PCSK5: variants seen among roughly 807,000 people sequenced by gnomAD.
PCSK5 encodes proprotein convertase subtilisin/kexin type 5.
In PCSK5, 129 loss-of-function variants were observed where a neutral mutation model predicts 233.2. That is an observed-to-expected ratio of 0.55 (90% CI 0.48 to 0.64). PCSK5 has a LOEUF of 0.64. PCSK5 is among the 30% of genes least tolerant of loss of function. The pLI, the probability that PCSK5 is intolerant of heterozygous loss-of-function variation, is 0.00. For synonymous variants in PCSK5, 825 were observed against 879.2 expected, an observed-to-expected ratio of 0.94 and a Z score of 1.09; for missense variants, 2,076 against 2,430.1, an observed-to-expected ratio of 0.85 and a Z score of 3.06.
At chr9:75,908,675 C>G (rs1305059499) in intron 1 of PCSK5, among the ~76,000 whole-genome samples, 1 of 152,198 alleles carries the variant, frequency 6.6e-6, no homozygotes, top group Non-Finnish European at 1.5e-5. Context: ...ATGCCCAGAT[C>G]TCACTATGTT....
chr9:76,219,941 T>C (rs1825669615), intron 20 of PCSK5, among the ~76,000 whole-genome samples: 1 of 152,198 alleles, frequency 6.6e-6, no homozygotes, highest in Admixed American at 6.5e-5. Flanking sequence ...GACACTGTAC[T>C]GTTCTCACCA....
chr9:76,072,209 T>C (rs182548857), intron 7 of PCSK5, among the ~76,000 whole-genome samples: 1 of 152,350 alleles, frequency 6.6e-6, no homozygotes, highest in Admixed American at 6.5e-5. Context: ...GACTGTGAAA[T>C]TGAGTGAAGA....
intron 2 of PCSK5, among the ~76,000 whole-genome samples, chr9:75,939,801 T>C (rs1308921053): frequency 6.6e-6 from 1 of 152,216 alleles, no homozygotes; most frequent in Non-Finnish European, 1.5e-5. Flanking sequence ...CAATCTTTTA[T>C]CTTTTCCATT....
chr9:76,221,487 C>G lies in PCSK5; in HGVS notation c.2627-6016C>G, dbSNP rs1218886157. 2.6e-5 allele frequency among the ~76,000 whole-genome samples: 4 copies of G among 152,170 alleles called. No homozygotes were observed. In the East Asian group the frequency reaches 7.7e-4, roughly 29 times the overall value. On this transcript the variant is annotated intron_variant, in intron 20 of 37. Coordinates refer to ENST00000674117, the MANE Select transcript of PCSK5 (RefSeq NM_001372043.1). ...ACTTATGCAAGATTTTTTAATCTCC[C>G]TGAGCCTCAGTTTCTTGTTTATAAA... is the stretch of plus-strand genomic sequence containing the variant.
Position 76,175,271 on chromosome 9 carries a change from G to A in PCSK5, c.1900+142G>A, listed in dbSNP as rs10118321. 3,145 of 516,840 alleles carry A rather than the reference G, an allele frequency of 6.1e-3. 38 individuals are homozygous for A. Among genetic ancestry groups the A allele is most frequent in the East Asian group, 0.022 (649 of 29,836 alleles). 32.0% of individuals were successfully genotyped at this position (516,840 alleles called of 1,614,324 possible). ...GGAATGGAATGGAATGGAATGGAAT[G>A]GAATCGAATCGAATCGAATCGAATA... is the stretch of plus-strand genomic sequence containing the variant. On this transcript the variant is annotated intron_variant, in intron 14 of 37. Transcript: ENST00000674117.
chr9:76,044,850 G>GA (rs1829311131), intron 5 of PCSK5, among the ~76,000 whole-genome samples: 1 of 152,212 alleles, frequency 6.6e-6, no homozygotes, highest in African/African-American at 2.4e-5. Flanking sequence ...AATTCTCTTG[G>GA]AAAGGCTGAA....
At chr9:75,938,657 G>A (rs115269253) in intron 2 of PCSK5, among the ~76,000 whole-genome samples, 4,595 of 152,270 alleles carry the variant, frequency 0.03, 165 homozygotes, top group African/African-American at 0.076. Context: ...AGGTATGCCC[G>A]TATTTTCCCT....
intron 20 of PCSK5, among the ~76,000 whole-genome samples, chr9:76,216,146 T>C (rs1381640871): frequency 1.3e-5 from 2 of 152,022 alleles, no homozygotes; most frequent in African/African-American, 4.8e-5. Context: ...CCGCAGGACT[T>C]CTCTGTAGGA....
chr9:76,303,208 GTTA>G (rs995428131), intron 28 of PCSK5, among the ~76,000 whole-genome samples: 2 of 151,944 alleles, frequency 1.3e-5, no homozygotes, highest in African/African-American at 4.8e-5. Context: ...ATTTTTATTT[GTTA>G]TTATTTTTTA....
At chr9:76,011,028 T>TA (rs375837533) in intron 3 of PCSK5, among the ~76,000 whole-genome samples, 34 of 152,342 alleles carry the variant, frequency 2.2e-4, no homozygotes, top group African/African-American at 8.2e-4. Context: ...TTTCTGGAAT[T>TA]ATTATTTTTC....
chr9:76,017,932 G>A (rs1337968358), intron 3 of PCSK5, among the ~76,000 whole-genome samples: 2 of 149,156 alleles, frequency 1.3e-5, no homozygotes, highest in African/African-American at 5.0e-5. Flanking sequence ...ATCAACTTAC[G>A]GCCTTCCTCA....
At chr9:76,017,223 T>G (rs1373641624) in intron 3 of PCSK5, among the ~76,000 whole-genome samples, 1 of 152,122 alleles carries the variant, frequency 6.6e-6, no homozygotes, top group East Asian at 1.9e-4. Flanking sequence ...CGACCTCAAA[T>G]GTAAAAAATA....
chr9:76,055,438 G>T (rs961150893), intron 5 of PCSK5, among the ~76,000 whole-genome samples: 3 of 151,670 alleles, frequency 2.0e-5, no homozygotes, highest in Non-Finnish European at 4.4e-5. Context: ...ATATATTTTG[G>T]TAAGCTTTTC....
intron 10 of PCSK5, among the ~76,000 whole-genome samples, chr9:76,138,089 C>T (rs1823053273): frequency 6.6e-6 from 1 of 152,028 alleles, no homozygotes; most frequent in South Asian, 2.1e-4. Context: ...TTCCTGAGCA[C>T]TTTCAGCATG....
chr9:75,902,214 T>TAAAAAAAAAAAAAAAAAAAAAAA (rs200579439), intron 1 of PCSK5, among the ~76,000 whole-genome samples: 3 of 53,290 alleles, frequency 5.6e-5, no homozygotes, highest in African/African-American at 8.0e-5. Context: ...AGACACCATC[T>TAAAAAAAAAAAAAAAAAAAAAAA]AAAAAAAAAA....
In PCSK5 at chr9:76,096,103, G is replaced by A; in HGVS notation, c.1107+1G>A. The A allele has an allele frequency of 6.2e-7, 1 of 1,607,534 alleles. No homozygotes were observed. The highest frequency in any genetic ancestry group is 8.5e-7 in the Non-Finnish European group (1 of 1,174,446). On this transcript the variant is annotated splice_donor_variant, in intron 8 of 37. Transcript: ENST00000674117. LOFTEE classifies it high-confidence loss of function. ...CGGGGAGTCCTACGATAAGAAAATC[G>A]TACGTGACATGTGCATGCCCATCAT...
intron 24 of PCSK5, among the ~76,000 whole-genome samples, chr9:76,277,668 A>T (rs1291623002): frequency 6.6e-6 from 1 of 152,202 alleles, no homozygotes; most frequent in Non-Finnish European, 1.5e-5. Context: ...ATTGAAAATC[A>T]CTAGCAAACC....
At chr9:76,193,516 G>T (rs1824528876) in intron 20 of PCSK5, 4 of 550,112 alleles carry the variant, frequency 7.3e-6, no homozygotes, top group Non-Finnish European at 1.2e-5. Context: ...GGGAGATGGT[G>T]AACTGTTTTG....
chr9:76,343,349 G>GTGTGTGTGTA (rs1195916449), intron 35 of PCSK5, among the ~76,000 whole-genome samples: 1 of 149,804 alleles, frequency 6.7e-6, no homozygotes, highest in African/African-American at 2.5e-5. Context: ...GTGTGTGTGT[G>GTGTGTGTGTA]TGTGTGTGTG....
Sources: allele counts gnomAD v4.1 joint callset (sites outside exome capture counted in the v4.1 genomes callset), GRCh38; gene constraint gnomAD v4.1.1; transcripts MANE v1.5; gene names NCBI Gene and HGNC (gene_info 2026-07-23, HGNC 2026-07-21).